SYMPK: variants seen among roughly 807,000 people sequenced by gnomAD.
The protein encoded by SYMPK is symplekin scaffold protein, also known as symplekin.
A neutral mutation model predicts 136.4 loss-of-function variants in SYMPK; 49 were observed. That is an observed-to-expected ratio of 0.36 (90% confidence interval 0.29 to 0.46). The LOEUF (loss-of-function observed/expected upper bound fraction) is 0.46, where lower values mean the gene tolerates loss of function less well. Among genes scored for constraint, SYMPK ranks in the 20% least tolerant of loss-of-function variants. The pLI, the probability that SYMPK is intolerant of heterozygous loss-of-function variation, is 1.00. For missense variants in SYMPK, 1,365 were observed against 1,690.0 expected, an observed-to-expected ratio of 0.81 and a Z score of 3.37; for synonymous variants, 766 against 713.0, an observed-to-expected ratio of 1.07 and a Z score of -1.19.
At position 45,842,464 on chromosome 19, in the gene SYMPK, T is replaced by C. The variant is rs777918029; in HGVS notation, c.873A>G (p.Lys291=). ...TCTTACGCACACTGCTCACCTGCGA[T>C]TTGGCCAGCGTCGGGGGCAGGTTGG... is the stretch of plus-strand genomic sequence containing the variant. ...LHANLPPTLA[K]SQVSSVRKNL... is the part of the protein sequence containing the mutation. Residue 291 remains lysine (K), a synonymous_variant, in exon 9 of 27, where the codon AAA becomes AAG. Transcript: ENST00000245934. 1.2e-6 allele frequency: 2 copies of C among 1,613,436 alleles called. No individual in the cohort carries two copies. The highest frequency in any genetic ancestry group is 1.1e-5 in the South Asian group (1 of 91,070).
At chr19:45,850,871 A>C (rs1321345893) in intron 5 of SYMPK, among the ~76,000 whole-genome samples, 1 of 152,026 alleles carries the variant, frequency 6.6e-6, no homozygotes, top group African/African-American at 2.4e-5. Context: ...GGGGTGCCTG[A>C]GACATGGGGC....
At chr19:45,818,717 T>C (rs561843421) in intron 22 of SYMPK, among the ~76,000 whole-genome samples, 2 of 152,206 alleles carry the variant, frequency 1.3e-5, no homozygotes, top group Admixed American at 1.3e-4. Flanking sequence ...GGCCGGGGCA[T>C]ACGATGACCC....
At chr19:45,816,649 C>T (rs1237575796) in intron 24 of SYMPK, 72 bp from the exon 25 acceptor site, 16 of 1,593,830 alleles carry the variant, frequency 1.0e-5, no homozygotes, top group African/African-American at 1.3e-5. Context: ...ACCTCAGGTC[C>T]GGGGGCCCTA....
In SYMPK at chr19:45,818,119, T is replaced by G; in HGVS notation, c.2921A>C (p.Asn974Thr). The G allele has an allele frequency of 1.3e-6, 2 of 1,553,168 alleles. No individual in the cohort carries two copies. The highest frequency in any genetic ancestry group is 1.7e-6 in the Non-Finnish European group (2 of 1,147,988). The change falls in exon 23 of 27, where the codon AAC becomes ACC. Residue 974 changes from asparagine to threonine, a missense_variant. Physicochemically the swap from Asn to Thr is moderately conservative, Grantham distance 65 (BLOSUM62 0). Around this residue, in one of 11 missense-constraint regions of SYMPK, gnomAD observed 156 missense variants for 217.8 expected, o/e 0.72. Transcript: ENST00000245934. ...GGCCAGCACCTCTGACGTGTACACGTTCCGCTCCGCAAAGCACAGGTTGGT... is the reference window on the plus strand; with the variant it reads ...GGCCAGCACCTCTGACGTGTACACGGTCCGCTCCGCAAAGCACAGGTTGGT... ...KATNLCFAERNVYTSEVLAVV... is the reference protein window; with the variant it reads ...KATNLCFAERTVYTSEVLAVV...
rs61203536 is a variant in SYMPK at position 45,859,953 on chromosome 19, TAAAAAAAAAAAAA to T, written c.-13+3092_-13+3104del. ...CTGGGAGACACGGTAAGACTCCATC[TAAAAAAAAAAAAA>T]AAAAAAAAAAAAAATTAGCCAGGCA... is the stretch of plus-strand genomic sequence containing the variant. On this transcript the variant is annotated intron_variant, in intron 1 of 26. Transcript: ENST00000245934. 2.7e-4 allele frequency among the ~76,000 whole-genome samples: 23 copies of T among 85,668 alleles called. 1 individual carries two copies. In the South Asian group the frequency reaches 7.8e-3, roughly 29 times the overall value. 56.2% of individuals were successfully genotyped at this position (85,668 alleles called of 152,430 possible). A position where few individuals can be genotyped will look rare whatever the true frequency, so the allele number is the denominator to read the frequency against.
intron 3 of SYMPK, 90 bp downstream of exon 3, chr19:45,854,085 T>G: frequency 8.2e-7 from 1 of 1,224,790 alleles, no homozygotes; most frequent in Non-Finnish European, 1.2e-6. Context: ...TGTGTAAATG[T>G]GGACACTGGT....
Position 45,827,864 on chromosome 19 carries a change from C to G in SYMPK, c.2040G>C (p.Glu680Asp). The part of the protein sequence containing the change: ...EAPLITESAL[E>D]VVRKYCEDES... ...CATCCTCGCAGTACTTGCGGACCAC[C>G]TCCAGGGCACTCTCTGTGATGAGTG... The change falls in exon 15 of 27, where the codon GAG (glutamate) becomes GAC (aspartate). Residue 680 changes from glutamate (E) to aspartate (D), a missense_variant. This residue lies in a region of SYMPK where 303 missense variants were observed against 326.6 expected (regional missense o/e 0.93). Transcript: ENST00000245934. 1 of 1,614,068 alleles carries G rather than the reference C, an allele frequency of 6.2e-7. No individual in the cohort carries two copies. The highest frequency in any genetic ancestry group is 8.5e-7 in the Non-Finnish European group (1 of 1,180,038).
In SYMPK at chr19:45,854,483, T is replaced by C. The variant is rs1426454146; in HGVS notation, c.13A>G (p.Ser5Gly). The C allele has an allele frequency of 3.1e-6, 5 of 1,613,776 alleles. No homozygotes were observed. Among genetic ancestry groups the C allele is most frequent in the Admixed American group, 3.3e-5 (2 of 60,008 alleles). The change falls in exon 2 of 27, where the codon AGT becomes GGT. Residue 5 changes from serine to glycine, a missense_variant. By Grantham distance (56) the Ser-to-Gly change is moderately conservative. Around this residue, in one of 11 missense-constraint regions of SYMPK, gnomAD observed 61 missense variants for 80.7 expected, o/e 0.76. Transcript: ENST00000245934. ...CTCCGACGGGTGACGCTGTCTCCAC[T>C]GCCGCTCGCCATGGCTGCTGTCAGC... is the stretch of plus-strand genomic sequence containing the variant. Reference protein sequence around the residue: MASGSGDSVTRRSVA... With the variant: MASGGGDSVTRRSVA...
intron 11 of SYMPK, among the ~76,000 whole-genome samples, chr19:45,832,183 C>G (rs1234636952): frequency 6.6e-6 from 1 of 151,976 alleles, no homozygotes; most frequent in Non-Finnish European, 1.5e-5. Context: ...ACTCCATCAC[C>G]AAGGCTGGAG....
In SYMPK at chr19:45,821,814, G is replaced by C. The variant is rs945259341; in HGVS notation, c.2792-329C>G. On this transcript the variant is annotated intron_variant, in intron 21 of 26. Transcript: ENST00000245934. The surrounding 1 kb of genome is among the most constrained non-coding windows in gnomAD (Gnocchi z 4.4). ...ACCTCCTCGTGTGGTCCCCAACACAGACTCCACCGCGGCACAGGGGGTCAT... is the reference window on the plus strand; with the variant it reads ...ACCTCCTCGTGTGGTCCCCAACACACACTCCACCGCGGCACAGGGGGTCAT... Among the ~76,000 whole-genome samples the C allele has an allele frequency of 1.3e-5, 2 of 152,166 alleles. No homozygotes were observed. The highest frequency in any genetic ancestry group is 2.9e-5 in the Non-Finnish European group (2 of 68,034).
intron 9 of SYMPK, among the ~76,000 whole-genome samples, chr19:45,839,701 G>A (rs896312322): frequency 1.5e-4 from 23 of 152,060 alleles, no homozygotes; most frequent in African/African-American, 5.1e-4. Flanking sequence ...GGCAGATGGC[G>A]GGCACCTGTA....
intron 7 of SYMPK, among the ~76,000 whole-genome samples, chr19:45,846,843 G>C (rs1971573404): frequency 6.6e-6 from 1 of 151,644 alleles, no homozygotes; most frequent in Non-Finnish European, 1.5e-5. Flanking sequence ...ACCCAGGCTG[G>C]AGTGCAGTGG....
At chr19:45,839,126 T>C (rs1387236265) in intron 9 of SYMPK, among the ~76,000 whole-genome samples, 2 of 152,134 alleles carry the variant, frequency 1.3e-5, no homozygotes, top group Non-Finnish European at 2.9e-5. Flanking sequence ...TGACCTCAGG[T>C]GATCCACCTG....
At chr19:45,825,429 G>C in intron 17 of SYMPK, 98 bp from the exon 18 acceptor site, 3 of 1,427,756 alleles carry the variant, frequency 2.1e-6, no homozygotes, top group Non-Finnish European at 2.8e-6. Context: ...AGCCGGGGAG[G>C]GCAGAGAAGG....
intron 1 of SYMPK, among the ~76,000 whole-genome samples, chr19:45,857,263 T>G (rs1218502650): frequency 7.0e-6 from 1 of 142,876 alleles, no homozygotes. Flanking sequence ...CAAAAAAATA[T>G]GCCGGGCATG....
intron 18 of SYMPK, chr19:45,824,215 C>T (rs1214037995): frequency 1.3e-5 from 3 of 233,238 alleles, no homozygotes; most frequent in Non-Finnish European, 2.6e-5. Flanking sequence ...CCACCTGCTT[C>T]GTGACTCGGT....
intron 17 of SYMPK, 137 bp downstream of exon 17, chr19:45,826,089 C>T: frequency 2.3e-6 from 3 of 1,332,484 alleles, no homozygotes; most frequent in East Asian, 5.1e-5. Context: ...ACTCCCACAG[C>T]CCCCAGGTGG....
chr19:45,843,870 G>C (rs557511201), intron 8 of SYMPK, among the ~76,000 whole-genome samples, 160 bp downstream of exon 8: 3 of 149,680 alleles, frequency 2.0e-5, no homozygotes, highest in South Asian at 4.3e-4. Flanking sequence ...CTTGAACTGG[G>C]GAGGCAGAGG....
chr19:45,816,841 C>A lies in SYMPK; in HGVS notation c.3215G>T (p.Arg1072Leu). The change falls in exon 24 of 27, where the codon CGG becomes CTG. Residue 1072 changes from arginine to leucine, a missense_variant. Physicochemically the swap from Arg to Leu is moderately radical, Grantham distance 102. This residue lies in a region of SYMPK where 341 missense variants were observed against 270.5 expected (regional missense o/e 1.26). Transcript: ENST00000245934. ...GAVFDKCPEL[R>L]EPLLAHVRSF... ...GCGGACATGGGCCAGCAGGGGCTCC[C>A]GGAGCTCTGGGCACTTGTCAAAGAC... 1 of 1,546,788 alleles carries A rather than the reference C, an allele frequency of 6.5e-7. No homozygotes were observed. Among genetic ancestry groups the A allele is most frequent in the South Asian group, 1.2e-5 (1 of 83,802 alleles).
Sources: allele counts gnomAD v4.1 joint callset (sites outside exome capture counted in the v4.1 genomes callset), GRCh38; gene constraint gnomAD v4.1.1; regional missense constraint gnomAD v4.1.1; non-coding constraint Gnocchi (gnomAD v3.1); transcripts MANE v1.5; gene names NCBI Gene and HGNC (gene_info 2026-07-23, HGNC 2026-07-21).